Variants in MIER1 observed in about 807,000 individuals in gnomAD.
MIER1 encodes the protein mesoderm induction early response protein 1.
MIER1 carries 40 observed loss-of-function variants against 75.7 expected under a neutral mutation model. The ratio of observed to expected loss-of-function variants is 0.53; its 90% CI spans 0.41 to 0.69. The LOEUF is 0.69. MIER1 is among the 30% of genes least tolerant of loss of function. The pLI, the probability that MIER1 is intolerant of heterozygous loss-of-function variation, is 0.00. For missense variants in MIER1, 574 were observed against 680.2 expected, an observed-to-expected ratio of 0.84 and a Z score of 1.74; for synonymous variants, 213 against 223.4, an observed-to-expected ratio of 0.95 and a Z score of 0.42.
rs1553261456 is a variant in MIER1 at position 66,988,572 on chromosome 1, T to TAAAG, written c.*3675_*3678dup. ...ATTTTCAATTTGTCTTTAGTTAGTA[T>TAAAG]AAAGAATTATAGAATGTATAATGTA... On this transcript the variant is annotated 3_prime_UTR_variant, in exon 14 of 14. Coordinates refer to ENST00000401041, the MANE Select transcript of MIER1 (RefSeq NM_001077700.3). 1.3e-5 allele frequency: 2 copies of TAAAG among 152,268 alleles called. No individual in the cohort carries two copies. Among genetic ancestry groups the TAAAG allele is most frequent in the African/African-American group, 4.8e-5 (2 of 41,450 alleles). 9.4% of individuals were successfully genotyped at this position (152,268 alleles called of 1,614,324 possible).
intron 11 of MIER1, among the ~76,000 whole-genome samples, chr1:66,975,547 G>A (rs897810636): frequency 2.7e-5 from 4 of 149,022 alleles, no homozygotes; most frequent in Middle Eastern, 3.2e-3. Context: ...AAAAAGAAAG[G>A]AAAAAAGTTA....
In MIER1 at chr1:66,987,013, ACT is replaced by A. The variant is rs1473428631; in HGVS notation, c.*2116_*2117del. 6.6e-6 allele frequency: 1 copy of A among 152,242 alleles called. No homozygotes were observed. The highest frequency in any genetic ancestry group is 2.4e-5 in the African/African-American group (1 of 41,438). The allele number at this position is 152,242 out of a possible 1,614,324, so 9.4% of individuals were successfully genotyped here. ...TTGCAGGTTTGTGAAGTTCTTGCAA[ACT>A]CTTACTACAGAAATGTTTTAAATAC... is the stretch of plus-strand genomic sequence containing the variant. On this transcript the variant is annotated 3_prime_UTR_variant, in exon 14 of 14. Coordinates refer to ENST00000401041, the MANE Select transcript of MIER1 (RefSeq NM_001077700.3).
chr1:66,955,336 GT>G (rs34006160), intron 4 of MIER1, among the ~76,000 whole-genome samples: 24 of 59,966 alleles, frequency 4.0e-4, no homozygotes, highest in South Asian at 1.0e-3. Context: ...CATCACCTGA[GT>G]TTTTTTTTTT....
chr1:66,953,251 G>A (rs1161061002), intron 4 of MIER1, among the ~76,000 whole-genome samples: 1 of 152,216 alleles, frequency 6.6e-6, no homozygotes, highest in Non-Finnish European at 1.5e-5. Context: ...GAGGCTTGGA[G>A]GGGAAATAAT....
intron 12 of MIER1, among the ~76,000 whole-genome samples, chr1:66,979,709 A>G (rs529499975): frequency 1.4e-4 from 22 of 151,968 alleles, no homozygotes; most frequent in Non-Finnish European, 2.6e-4. Flanking sequence ...AATTATGACT[A>G]TATCCAGAAA....
chr1:66,951,554 A>G (rs555280612), intron 4 of MIER1, among the ~76,000 whole-genome samples: 6 of 148,544 alleles, frequency 4.0e-5, no homozygotes, highest in Non-Finnish European at 8.9e-5. Context: ...ACAGTCTGCA[A>G]ATATAGTGTG....
chr1:66,935,884 TTGGAAGAACTATGTA>T (rs1313387124), intron 2 of MIER1, among the ~76,000 whole-genome samples: 17 of 152,210 alleles, frequency 1.1e-4, no homozygotes, highest in Non-Finnish European at 4.4e-5. Flanking sequence ...GTTCTATTGT[TTGGAAGAACTATGTA>T]TGGAAGAACT....
At chr1:66,926,773 TTAGA>T (rs2100990596) in intron 2 of MIER1, among the ~76,000 whole-genome samples, 1 of 152,298 alleles carries the variant, frequency 6.6e-6, no homozygotes, top group Non-Finnish European at 1.5e-5. Flanking sequence ...CTGAAAATTG[TTAGA>T]TATAGAATTT....
chr1:66,977,833 T>C (rs1558112932), intron 12 of MIER1, among the ~76,000 whole-genome samples: 1 of 151,388 alleles, frequency 6.6e-6, no homozygotes, highest in Non-Finnish European at 1.5e-5. Flanking sequence ...AAAATAAAAA[T>C]AAAAAAAAAT....
intron 9 of MIER1, 93 bp downstream of exon 9, chr1:66,971,052 TTTTTATAAC>T: frequency 8.6e-7 from 1 of 1,169,506 alleles, no homozygotes; most frequent in South Asian, 1.6e-5. Flanking sequence ...TCCACCAAAC[TTTTTATAAC>T]ATTATTGACA....
At chr1:66,925,837 G>T (rs1166446879) in intron 1 of MIER1, among the ~76,000 whole-genome samples, 2 of 152,180 alleles carry the variant, frequency 1.3e-5, no homozygotes, top group Non-Finnish European at 2.9e-5. Flanking sequence ...TTCTGCAGAA[G>T]AACTTATGTA....
chr1:66,925,514 G>T, intron 1 of MIER1: 1 of 985,410 alleles, frequency 1.0e-6, no homozygotes, highest in Non-Finnish European at 1.2e-6. Flanking sequence ...GGAGGCTCTC[G>T]CTTGCACTGC....
intron 2 of MIER1, among the ~76,000 whole-genome samples, chr1:66,932,098 C>A (rs1218108390): frequency 6.6e-6 from 1 of 151,936 alleles, no homozygotes; most frequent in Non-Finnish European, 1.5e-5. Context: ...ACTAAAAAAT[C>A]TAATATGTAA....
At position 66,981,741 on chromosome 1, in the gene MIER1, GCT is replaced by G. The variant is rs558358086; in HGVS notation, c.1230-35_1230-34del. ...AACCTCAACTAATTTTTAATTTTCA[GCT>G]CTTTTTAATATAAAAATTGTTTTAT... On this transcript the variant is annotated intron_variant, in intron 12 of 13. Transcript: ENST00000401041. 1,087 of 1,506,442 alleles carry G rather than the reference GCT, an allele frequency of 7.2e-4. 5 individuals are homozygous for G. The African/African-American group carries it at 0.013, about 17-fold the overall frequency. 93.3% of individuals were successfully genotyped at this position (1,506,442 alleles called of 1,614,324 possible).
intron 3 of MIER1, among the ~76,000 whole-genome samples, chr1:66,944,416 G>C (rs537700155): frequency 7.1e-4 from 106 of 149,752 alleles, no homozygotes; most frequent in African/African-American, 2.3e-3. Context: ...ATTTTACATA[G>C]TCTGTAAAAT....
intron 7 of MIER1, among the ~76,000 whole-genome samples, chr1:66,962,501 G>A (rs1311599010): frequency 6.6e-6 from 1 of 152,074 alleles, no homozygotes. Context: ...TTTGGGGTGG[G>A]ACCTGAGCAT....
At chr1:66,963,638 C>G (rs867202996) in intron 8 of MIER1, among the ~76,000 whole-genome samples, 1 of 152,020 alleles carries the variant, frequency 6.6e-6, no homozygotes, top group Non-Finnish European at 1.5e-5. Flanking sequence ...GACCAGGTGC[C>G]GTGGCTCACG....
chr1:66,981,026 G>A (rs953571832), intron 12 of MIER1, among the ~76,000 whole-genome samples: 16 of 152,240 alleles, frequency 1.1e-4, no homozygotes, highest in African/African-American at 3.6e-4. Context: ...TAGTGGTTTA[G>A]TAGCACTTTT....
chr1:66,955,336 G>GT (rs34006160), intron 4 of MIER1, among the ~76,000 whole-genome samples: 8,672 of 59,900 alleles, frequency 0.14, 2,352 homozygotes, highest in African/African-American at 0.17. Flanking sequence ...CATCACCTGA[G>GT]TTTTTTTTTT....
Sources: gnomAD v4.1 joint callset for allele counts (sites outside exome capture counted in the v4.1 genomes callset) on GRCh38, gnomAD v4.1.1 for gene constraint, MANE v1.5 for transcripts, NCBI Gene and HGNC (gene_info 2026-07-23, HGNC 2026-07-21) for gene names.